RAB28: variants seen among roughly 807,000 people sequenced by gnomAD.
The protein encoded by RAB28 is RAB28, member RAS oncogene family.
Under a neutral mutation model 31.7 loss-of-function variants are expected in RAB28, and 24 were observed. The observed-to-expected ratio is 0.76, with a 90% confidence interval of 0.55 to 1.06. The LOEUF is 1.06. RAB28 is among the 50% of genes least tolerant of loss of function. The pLI is 0.00. For synonymous variants in RAB28, 100 were observed against 90.4 expected (o/e 1.11, Z -0.60); for missense variants, 254 against 258.5 (o/e 0.98, Z 0.12).
At chr4:13,401,261 A>C (rs898924162) in intron 4 of RAB28, among the ~76,000 whole-genome samples, 1 of 152,228 alleles carries the variant, frequency 6.6e-6, no homozygotes, top group Admixed American at 6.5e-5. Context: ...TAAATGCAGA[A>C]GTATTCAGAT....
At chr4:13,469,361 A>G (rs1466927281) in intron 3 of RAB28, among the ~76,000 whole-genome samples, 1 of 151,898 alleles carries the variant, frequency 6.6e-6, no homozygotes, top group Non-Finnish European at 1.5e-5. Flanking sequence ...CTTCATCCCC[A>G]TACCATCCTT....
chr4:13,376,694 T>A, intron 5 of RAB28, 72 bp from the exon 6 acceptor site: 1 of 1,046,410 alleles, frequency 9.6e-7, no homozygotes. Context: ...AACAGAATTT[T>A]CTTAAAAATG....
intron 5 of RAB28, 116 bp from the exon 6 acceptor site, chr4:13,376,738 C>T (rs1164390627): frequency 3.8e-6 from 2 of 531,572 alleles, no homozygotes; most frequent in East Asian, 3.1e-5. Context: ...TATGATATAG[C>T]AGGTGATTCC....
rs932562141 is a variant in RAB28 at position 13,484,294 on chromosome 4, G to A, written c.-144C>T. 2 of 658,410 alleles carry A rather than the reference G, an allele frequency of 3.0e-6. No homozygotes were observed. The highest frequency in any genetic ancestry group is 5.5e-6 in the Non-Finnish European group (2 of 360,920). 40.8% of individuals were successfully genotyped at this position (658,410 alleles called of 1,614,324 possible). On this transcript the variant is annotated 5_prime_UTR_variant, in exon 1 of 7. Transcript: ENST00000330852. ...TCCGCGCCGGCAGGAGGTATTCGAGGAGAATCACTCGGCAAGCGCCATCTT... is the reference window on the plus strand; with the variant it reads ...TCCGCGCCGGCAGGAGGTATTCGAGAAGAATCACTCGGCAAGCGCCATCTT...
intron 4 of RAB28, among the ~76,000 whole-genome samples, chr4:13,449,387 G>A (rs1714852294): frequency 6.6e-6 from 1 of 151,766 alleles, no homozygotes; most frequent in African/African-American, 2.4e-5. Context: ...CCCTATTACT[G>A]AGGAAAAAAG....
At chr4:13,385,235 C>T (rs1729315147) in intron 4 of RAB28, among the ~76,000 whole-genome samples, 1 of 152,086 alleles carries the variant, frequency 6.6e-6, no homozygotes, top group South Asian at 2.1e-4. Context: ...CATTGGTGTC[C>T]CTGAAACAGA....
At chr4:13,413,687 G>T (rs1338101110) in intron 4 of RAB28, among the ~76,000 whole-genome samples, 1 of 152,174 alleles carries the variant, frequency 6.6e-6, no homozygotes, top group Non-Finnish European at 1.5e-5. Flanking sequence ...AATAAGAAAA[G>T]AAGAGATAGT....
At chr4:13,424,012 C>T (rs1433501647) in intron 4 of RAB28, among the ~76,000 whole-genome samples, 2 of 152,030 alleles carry the variant, frequency 1.3e-5, no homozygotes, top group Admixed American at 6.5e-5. Flanking sequence ...ATAACAAATG[C>T]TCTGTCCGTT....
intron 3 of RAB28, among the ~76,000 whole-genome samples, chr4:13,467,349 A>T (rs920243578): frequency 1.3e-5 from 2 of 151,922 alleles, no homozygotes; most frequent in African/African-American, 2.4e-5. Context: ...AAAATCATAC[A>T]GGATGAAAAA....
intron 6 of RAB28, among the ~76,000 whole-genome samples, chr4:13,373,227 G>A (rs1026546402): frequency 2.0e-5 from 3 of 151,974 alleles, no homozygotes; most frequent in African/African-American, 4.8e-5. Flanking sequence ...CCTAAACAAC[G>A]GCAATTGTAA....
At chr4:13,482,796 T>C (rs10030573) in intron 1 of RAB28, among the ~76,000 whole-genome samples, 10,825 of 152,198 alleles carry the variant, frequency 0.071, 921 homozygotes, top group African/African-American at 0.21. Context: ...AAAAAATACT[T>C]CAAATTTTGC....
At position 13,484,316 on chromosome 4, in the gene RAB28, T is replaced by C. The variant is rs1338448646; in HGVS notation, c.-166A>G. On this transcript the variant is annotated 5_prime_UTR_variant, in exon 1 of 7. An upstream start codon of the reference 5' UTR is lost. Coordinates refer to ENST00000330852, the MANE Select transcript of RAB28 (RefSeq NM_001017979.3). ...GAGGAGAATCACTCGGCAAGCGCCA[T>C]CTTGCCCACCTCCCCGCCCTCTGCG... The C allele has an allele frequency of 5.2e-5, 32 of 611,704 alleles. 1 individual carries two copies. The highest frequency in any genetic ancestry group is 4.9e-4 in the South Asian group (27 of 55,606). The allele number at this position is 611,704 out of a possible 1,614,324, so 37.9% of individuals were successfully genotyped here. A position where few individuals can be genotyped will look rare whatever the true frequency, so the allele number is the denominator to read the frequency against.
At chr4:13,391,363 T>A (rs1300708515) in intron 4 of RAB28, among the ~76,000 whole-genome samples, 2 of 152,176 alleles carry the variant, frequency 1.3e-5, no homozygotes, top group African/African-American at 4.8e-5. Flanking sequence ...AGATACCATC[T>A]CACACCAGTT....
At chr4:13,413,398 C>T (rs1179889647) in intron 4 of RAB28, among the ~76,000 whole-genome samples, 1 of 152,192 alleles carries the variant, frequency 6.6e-6, no homozygotes, top group African/African-American at 2.4e-5. Flanking sequence ...TGCTGTCCAG[C>T]CAGTATGTTA....
chr4:13,428,349 T>A (rs1713625805), intron 4 of RAB28, among the ~76,000 whole-genome samples: 2 of 152,116 alleles, frequency 1.3e-5, no homozygotes, highest in African/African-American at 4.8e-5. Flanking sequence ...CAAATAAGTG[T>A]CTGCCAAAGT....
At position 13,368,056 on chromosome 4, in the gene RAB28, C is replaced by T; in HGVS notation, c.*502G>A. ...TTCAAGCATTTTCAGTTAGAAACAG[C>T]TTTATATACTTTTACTCACGATAGC... On this transcript the variant is annotated 3_prime_UTR_variant, in exon 7 of 7. Transcript: ENST00000330852. 1.0e-6 allele frequency: 1 copy of T among 976,026 alleles called. No individual in the cohort carries two copies. Among genetic ancestry groups the T allele is most frequent in the Non-Finnish European group, 1.2e-6 (1 of 821,480 alleles). The allele number at this position is 976,026 out of a possible 1,614,324, so 60.5% of individuals were successfully genotyped here.
At chr4:13,460,860 T>C (rs931773504) in intron 3 of RAB28, 32 bp from the exon 4 acceptor site, 13 of 1,589,696 alleles carry the variant, frequency 8.2e-6, no homozygotes, top group Non-Finnish European at 1.1e-5. Context: ...ATATCTGTAA[T>C]GTATTATTTG....
intron 3 of RAB28, among the ~76,000 whole-genome samples, chr4:13,472,888 TA>T (rs1716185455): frequency 6.6e-6 from 1 of 151,944 alleles, no homozygotes; most frequent in African/African-American, 2.4e-5. Context: ...ATGTACTTTT[TA>T]AGAGAAAAAT....
At chr4:13,464,778 CA>C (rs1388434266) in intron 3 of RAB28, among the ~76,000 whole-genome samples, 1 of 152,074 alleles carries the variant, frequency 6.6e-6, no homozygotes, top group East Asian at 1.9e-4. Flanking sequence ...GCTTTCAATA[CA>C]AAATTACAAG....
Sources: gnomAD v4.1 joint callset for allele counts (sites outside exome capture counted in the v4.1 genomes callset) on GRCh38, gnomAD v4.1.1 for gene constraint, MANE v1.5 for transcripts, NCBI Gene and HGNC (gene_info 2026-07-23, HGNC 2026-07-21) for gene names.